ADAM18: variants seen among roughly 807,000 people sequenced by gnomAD.
ADAM18 encodes the protein ADAM metallopeptidase domain 18.
Under a neutral mutation model 94.4 loss-of-function variants are expected in ADAM18, and 117 were observed. The observed-to-expected ratio is 1.24, with a 90% confidence interval of 1.07 to 1.45. The LOEUF (loss-of-function observed/expected upper bound fraction) is 1.45, where lower values mean the gene tolerates loss of function less well. ADAM18 is among the 40% of genes most tolerant of loss of function. ADAM18 has a pLI of 0.00. For missense variants in ADAM18, 936 were observed against 880.0 expected, an observed-to-expected ratio of 1.06 and a Z score of -0.81; for synonymous variants, 327 against 291.6, an observed-to-expected ratio of 1.12 and a Z score of -1.24.
intron 6 of ADAM18, among the ~76,000 whole-genome samples, chr8:39,623,627 C>T (rs1819680487): frequency 6.6e-6 from 1 of 151,924 alleles, no homozygotes; most frequent in Non-Finnish European, 1.5e-5. Context: ...GACGGAGTCT[C>T]GCTCTGTCGC....
intron 15 of ADAM18, among the ~76,000 whole-genome samples, chr8:39,677,963 A>C (rs1445393797): frequency 6.6e-6 from 1 of 152,200 alleles, no homozygotes; most frequent in Non-Finnish European, 1.5e-5. Flanking sequence ...TAAAGCATGG[A>C]AGTATCTATT....
chr8:39,724,372 T>C (rs546228053), intron 19 of ADAM18, among the ~76,000 whole-genome samples: 47 of 152,022 alleles, frequency 3.1e-4, no homozygotes, highest in Non-Finnish European at 5.9e-4. Context: ...TAGTATTTTC[T>C]TGTAATCATT....
intron 7 of ADAM18, among the ~76,000 whole-genome samples, chr8:39,633,819 GCC>G: frequency 6.8e-6 from 1 of 147,782 alleles, no homozygotes; most frequent in South Asian, 2.1e-4. Context: ...AAAACTCTCA[GCC>G]TTGCCCTGTA....
At chr8:39,632,544 ACC>A (rs1819957737) in intron 7 of ADAM18, among the ~76,000 whole-genome samples, 1 of 152,080 alleles carries the variant, frequency 6.6e-6, no homozygotes, top group African/African-American at 2.4e-5. Context: ...TTTACAAGTA[ACC>A]TGATCTTTTA....
rs142841633 is a variant in ADAM18 at position 39,646,192 on chromosome 8, A to T, written c.1046+718A>T. 7.1e-3 allele frequency among the ~76,000 whole-genome samples: 1,086 copies of T among 152,260 alleles called. 13 individuals are homozygous for T. Among genetic ancestry groups the T allele is most frequent in the African/African-American group, 0.025 (1,028 of 41,550 alleles). On this transcript the variant is annotated intron_variant, in intron 11 of 19. Transcript: ENST00000265707. ...CTGTCATCTCAGATTTTGCTCTTTAAGTATTGCTATCTGAGACGATTGTCT... is the reference window on the plus strand; with the variant it reads ...CTGTCATCTCAGATTTTGCTCTTTATGTATTGCTATCTGAGACGATTGTCT...
intron 6 of ADAM18, among the ~76,000 whole-genome samples, chr8:39,625,545 T>C (rs1006999312): frequency 6.6e-6 from 1 of 152,138 alleles, no homozygotes; most frequent in African/African-American, 2.4e-5. Context: ...TTTTGCCTGA[T>C]TGCTGTGGCT....
At chr8:39,589,162 T>G (rs1194386708) in intron 2 of ADAM18, among the ~76,000 whole-genome samples, 2 of 152,220 alleles carry the variant, frequency 1.3e-5, no homozygotes, top group African/African-American at 4.8e-5. Context: ...CTGTGTTACG[T>G]TGATGTCCTT....
Position 39,585,368 on chromosome 8 carries a change from T to C in ADAM18, c.132+16T>C. The stretch of plus-strand genomic sequence containing the variant: ...AGAGAGGAAGGTAAATGATGAGGAA[T>C]ATTTATTCTATATTTAAAGCTTTAT... On this transcript the variant is annotated intron_variant, in intron 2 of 19. Coordinates refer to ENST00000265707, the MANE Select transcript of ADAM18 (RefSeq NM_014237.3). 1 of 1,580,498 alleles carries C rather than the reference T, an allele frequency of 6.3e-7. No individual in the cohort carries two copies.
chr8:39,592,874 G>A (rs1047323510), intron 2 of ADAM18, among the ~76,000 whole-genome samples: 15 of 152,166 alleles, frequency 9.9e-5, no homozygotes, highest in African/African-American at 3.6e-4. Context: ...CTCTAGCTAT[G>A]AAAGTCTCTA....
chr8:39,588,261 A>C (rs980448214), intron 2 of ADAM18, among the ~76,000 whole-genome samples: 1 of 151,190 alleles, frequency 6.6e-6, no homozygotes, highest in Non-Finnish European at 1.5e-5. Context: ...AACCCATTAT[A>C]ATAGCTGTGA....
chr8:39,644,831 C>T lies in ADAM18; in HGVS notation c.910-507C>T, dbSNP rs182283880. 5.9e-5 allele frequency among the ~76,000 whole-genome samples: 9 copies of T among 152,198 alleles called. No homozygotes were observed. In the East Asian group the frequency reaches 9.6e-4, roughly 16 times the overall value. On this transcript the variant is annotated intron_variant, in intron 10 of 19. Transcript: ENST00000265707. Reference sequence around the variant, plus strand: ...CTCCATAAAATTTTCTATTGGAGTACTTTATTTTCTTAAAAGCATGTGTAA... The same window carrying T: ...CTCCATAAAATTTTCTATTGGAGTATTTTATTTTCTTAAAAGCATGTGTAA...
In ADAM18 at chr8:39,609,531, T is replaced by C. The variant is rs201513171; in HGVS notation, c.314T>C (p.Phe105Ser). ...TATGCTGCCGAATTTCCAAATTCAT[T>C]TGTGACACTCAGTATATGTTCTGGT... ...QGYAAEFPNS[F>S]VTLSICSGLR... is the part of the protein sequence containing the mutation. The change falls in exon 5 of 20, where the codon TTT becomes TCT. Residue 105 changes from phenylalanine to serine, a missense_variant. Transcript: ENST00000265707. The C allele has an allele frequency of 7.4e-6, 12 of 1,611,350 alleles. No individual in the cohort carries two copies. Among genetic ancestry groups the C allele is most frequent in the Non-Finnish European group, 1.0e-5 (12 of 1,178,234 alleles).
At chr8:39,721,327 C>T (rs1176255021) in intron 18 of ADAM18, among the ~76,000 whole-genome samples, 2 of 151,258 alleles carry the variant, frequency 1.3e-5, no homozygotes, top group Non-Finnish European at 3.0e-5. Context: ...TACTGAAAAC[C>T]TTTTCTGGAC....
intron 17 of ADAM18, among the ~76,000 whole-genome samples, chr8:39,695,309 T>A (rs1821892507): frequency 6.6e-6 from 1 of 151,546 alleles, no homozygotes; most frequent in Non-Finnish European, 1.5e-5. Context: ...TGTAGGAAAT[T>A]ACTAAATTGT....
chr8:39,648,605 A>C (rs1301813429), intron 12 of ADAM18, 78 bp downstream of exon 12: 2 of 1,254,358 alleles, frequency 1.6e-6, no homozygotes, highest in Non-Finnish European at 1.1e-6. Context: ...CATGGTATAT[A>C]TAAATGATAT....
At chr8:39,621,018 C>T (rs1397222634) in intron 6 of ADAM18, among the ~76,000 whole-genome samples, 1 of 151,860 alleles carries the variant, frequency 6.6e-6, no homozygotes. Flanking sequence ...AAAAGACAAG[C>T]TACAGACCTG....
At chr8:39,693,251 T>A (rs1373262026) in intron 17 of ADAM18, among the ~76,000 whole-genome samples, 1 of 151,518 alleles carries the variant, frequency 6.6e-6, no homozygotes. Context: ...ATAGCCAACA[T>A]TGTAAGAGTA....
At chr8:39,646,037 A>T (rs1820365115) in intron 11 of ADAM18, among the ~76,000 whole-genome samples, 1 of 152,148 alleles carries the variant, frequency 6.6e-6, no homozygotes, top group Non-Finnish European at 1.5e-5. Context: ...TTACTTTTTC[A>T]TATTTGTTCC....
chr8:39,648,552 A>C (rs1480363310), intron 12 of ADAM18, 25 bp downstream of exon 12: 3 of 1,573,620 alleles, frequency 1.9e-6, no homozygotes. Context: ...TTGAAACTCG[A>C]GCACAATTTT....
Sources: gnomAD v4.1 joint callset for allele counts (sites outside exome capture counted in the v4.1 genomes callset) on GRCh38, gnomAD v4.1.1 for gene constraint, MANE v1.5 for transcripts, NCBI Gene and HGNC (gene_info 2026-07-23, HGNC 2026-07-21) for gene names.